The following SMAD6 variants were observed in gnomAD, a reference collection of about 807,000 sequenced individuals.
SMAD6 encodes SMAD family member 6.
In SMAD6, 103 loss-of-function variants were observed where a neutral mutation model predicts 39.4. That is an observed-to-expected ratio of 2.62 (90% CI 2.23 to 3.08). The LOEUF (loss-of-function observed/expected upper bound fraction) is 3.08. SMAD6 is among the 30% of genes most tolerant of loss of function. The pLI, the probability that SMAD6 is intolerant of heterozygous loss-of-function variation, is 0.00. For missense variants in SMAD6, 1,104 were observed against 742.9 expected, an observed-to-expected ratio of 1.49 and a Z score of -5.65; for synonymous variants, 445 against 353.3, an observed-to-expected ratio of 1.26 and a Z score of -2.91.
At chr15:66,752,366 C>G (rs940498976) in intron 3 of SMAD6, among the ~76,000 whole-genome samples, 2 of 152,246 alleles carry the variant, frequency 1.3e-5, no homozygotes, top group Non-Finnish European at 2.9e-5. Context: ...TGTTGGCTCT[C>G]TGTGTAACTT....
In SMAD6 at chr15:66,781,683, T is replaced by G. The variant is rs1894582338; in HGVS notation, c.*148T>G. 2.2e-6 allele frequency: 1 copy of G among 453,332 alleles called. No homozygotes were observed. Among genetic ancestry groups the G allele is most frequent in the Non-Finnish European group, 3.8e-6 (1 of 261,254 alleles). 28.1% of individuals were successfully genotyped at this position (453,332 alleles called of 1,614,324 possible). A position where few individuals can be genotyped will look rare whatever the true frequency, so the allele number is the denominator to read the frequency against. ...AGATTTAATATAAAGTTTTATATAT[T>G]ATATGGAAATATATATTATACTTGT... On this transcript the variant is annotated 3_prime_UTR_variant, in exon 4 of 4. Transcript: ENST00000288840.
At chr15:66,769,208 G>T (rs1894340004) in intron 3 of SMAD6, among the ~76,000 whole-genome samples, 1 of 152,228 alleles carries the variant, frequency 6.6e-6, no homozygotes, top group African/African-American at 2.4e-5. Context: ...GACTCCGCGG[G>T]TGTTGGATGT....
In SMAD6 at chr15:66,711,675, GC is replaced by G. The variant is rs761291777; in HGVS notation, c.827del (p.Pro276HisfsTer263). 1 of 1,613,732 alleles carries G rather than the reference GC, an allele frequency of 6.2e-7. No individual in the cohort carries two copies. The highest frequency in any genetic ancestry group is 1.1e-5 in the South Asian group (1 of 91,068). ...FSRLCGPESP[P>X]PPYSRLSPRD... ...CTGTCTCCTGTCTTCCAGAATCTCC[GC>G]CACCTCCCTACTCTCGGCTGTCTCC... On this transcript the variant is annotated frameshift_variant, in exon 2 of 4. Coordinates refer to ENST00000288840, the MANE Select transcript of SMAD6 (RefSeq NM_005585.5). LOFTEE classifies it high-confidence loss of function.
chr15:66,747,251 G>A lies in SMAD6; in HGVS notation c.952+30753G>A, dbSNP rs748359418. ...GCTGTGTTTGCATGGCCAGGCCAGCGGGATATGGATGGGCCATGGGCCTCT... is the reference window on the plus strand; with the variant it reads ...GCTGTGTTTGCATGGCCAGGCCAGCAGGATATGGATGGGCCATGGGCCTCT... On this transcript the variant is annotated intron_variant, in intron 3 of 3. Coordinates refer to ENST00000288840, the MANE Select transcript of SMAD6 (RefSeq NM_005585.5). The surrounding 1 kb of genome is among the most constrained non-coding windows in gnomAD (Gnocchi z 4.5). Among the ~76,000 whole-genome samples the A allele has an allele frequency of 6.6e-6, 1 of 152,240 alleles. No individual in the cohort carries two copies. The highest frequency in any genetic ancestry group is 1.5e-5 in the Non-Finnish European group (1 of 68,048).
At chr15:66,763,320 C>T (rs934675747) in intron 3 of SMAD6, among the ~76,000 whole-genome samples, 7 of 152,230 alleles carry the variant, frequency 4.6e-5, no homozygotes, top group African/African-American at 1.4e-4. Context: ...GGGAGACTGG[C>T]GGCTCTGGGT....
chr15:66,716,526 T>A, intron 3 of SMAD6, 28 bp downstream of exon 3: 1 of 1,544,414 alleles, frequency 6.5e-7, no homozygotes, highest in Non-Finnish European at 9.0e-7. Context: ...TGCATTGCTG[T>A]TGTGTTGAAA....
At chr15:66,761,558 C>CA (rs1399347746) in intron 3 of SMAD6, among the ~76,000 whole-genome samples, 4 of 152,222 alleles carry the variant, frequency 2.6e-5, no homozygotes, top group Non-Finnish European at 4.4e-5. Context: ...TGGCTGGACT[C>CA]ACCAGGATTA....
intron 1 of SMAD6, among the ~76,000 whole-genome samples, chr15:66,709,542 A>G (rs1264161381): frequency 6.6e-6 from 1 of 152,210 alleles, no homozygotes; most frequent in East Asian, 1.9e-4. Context: ...ATAGTTGTCA[A>G]GATTCACCTT....
Position 66,782,334 on chromosome 15 carries a change from T to TTA in SMAD6, c.*801_*802dup, listed in dbSNP as rs1243152949. On this transcript the variant is annotated 3_prime_UTR_variant, in exon 4 of 4. Coordinates refer to ENST00000288840, the MANE Select transcript of SMAD6 (RefSeq NM_005585.5). The stretch of plus-strand genomic sequence containing the variant: ...CAGGTCCATGCCCCCCATCTTTGAG[T>TTA]TATGAGCAAGCTAAAAGAAGACACT... 5 of 162,484 alleles carry TTA rather than the reference T, an allele frequency of 3.1e-5. No homozygotes were observed. Among genetic ancestry groups the TTA allele is most frequent in the Non-Finnish European group, 6.6e-5 (5 of 75,428 alleles). 10.1% of individuals were successfully genotyped at this position (162,484 alleles called of 1,614,324 possible). A position where few individuals can be genotyped will look rare whatever the true frequency, so the allele number is the denominator to read the frequency against.
chr15:66,745,280 C>T (rs1893887231), intron 3 of SMAD6, among the ~76,000 whole-genome samples: 1 of 152,166 alleles, frequency 6.6e-6, no homozygotes, highest in Non-Finnish European at 1.5e-5. Flanking sequence ...GCTGAGCCCT[C>T]TAGGCCCTGA....
rs1261743877 is a variant in SMAD6, at chr15:66,703,850, C to G, written c.592C>G (p.Arg198Gly). ...LDTLLEAVES[R>G]GGVPGGCVLV... ...CACGCTGCTGGAGGCGGTGGAGTCC[C>G]GCGGCGGCGTGCCGGGCGGCTGCGT... The change falls in exon 1 of 4, where the codon CGC becomes GGC. Residue 198 changes from arginine (R) to glycine (G), a missense_variant. By Grantham distance (125) the Arg-to-Gly change is moderately radical (BLOSUM62 -2). Coordinates refer to ENST00000288840, the MANE Select transcript of SMAD6 (RefSeq NM_005585.5). 5.2e-5 allele frequency: 71 copies of G among 1,356,348 alleles called. No individual in the cohort carries two copies. The highest frequency in any genetic ancestry group is 6.4e-5 in the Non-Finnish European group (67 of 1,043,064). 84.0% of individuals were successfully genotyped at this position (1,356,348 alleles called of 1,614,324 possible).
At chr15:66,759,248 C>G (rs1239673358) in intron 3 of SMAD6, among the ~76,000 whole-genome samples, 3 of 151,978 alleles carry the variant, frequency 2.0e-5, no homozygotes, top group African/African-American at 7.3e-5. Context: ...CAAAAATGGA[C>G]AGAAATAAGA....
intron 1 of SMAD6, 98 bp downstream of exon 1, chr15:66,704,173 G>C (rs932178254): frequency 1.9e-6 from 2 of 1,026,780 alleles, no homozygotes; most frequent in Non-Finnish European, 2.6e-6. Flanking sequence ...GCAGCTGCGG[G>C]TGCTCCCCCG....
At chr15:66,770,021 T>A (rs1418179849) in intron 3 of SMAD6, among the ~76,000 whole-genome samples, 2 of 152,134 alleles carry the variant, frequency 1.3e-5, no homozygotes, top group Non-Finnish European at 1.5e-5. Context: ...AGAGACAGGG[T>A]TTCACCATGT....
At chr15:66,755,763 C>T (rs984425772) in intron 3 of SMAD6, among the ~76,000 whole-genome samples, 1 of 152,226 alleles carries the variant, frequency 6.6e-6, no homozygotes, top group Non-Finnish European at 1.5e-5. Context: ...TCTGCTGGTA[C>T]TCCAGGGTCT....
Position 66,781,334 on chromosome 15 carries a change from G to C in SMAD6, c.1290G>C (p.Val430=). Residue 430 remains valine, a synonymous_variant, in exon 4 of 4, where the codon GTG becomes GTC. Coordinates refer to ENST00000288840, the MANE Select transcript of SMAD6 (RefSeq NM_005585.5). ...GCCGCGCCCTGGTCGTGCGCAAGGT[G>C]CCCCCCGGCTACTCCATCAAGGTGT... ...PGGRALVVRK[V]PPGYSIKVFD... The C allele has an allele frequency of 2.5e-6, 4 of 1,598,768 alleles. No homozygotes were observed. Among genetic ancestry groups the C allele is most frequent in the Non-Finnish European group, 3.4e-6 (4 of 1,174,180 alleles).
intron 3 of SMAD6, among the ~76,000 whole-genome samples, chr15:66,737,353 C>G (rs1451427893): frequency 2.0e-5 from 3 of 152,226 alleles, no homozygotes; most frequent in Non-Finnish European, 4.4e-5. Context: ...GACCCCACAG[C>G]AGAGCTGGCC....
intron 3 of SMAD6, among the ~76,000 whole-genome samples, chr15:66,760,506 T>C (rs1894180006): frequency 6.6e-6 from 1 of 152,230 alleles, no homozygotes; most frequent in Admixed American, 6.5e-5. Flanking sequence ...GACTCGTCAG[T>C]GATTAGTACT....
intron 3 of SMAD6, among the ~76,000 whole-genome samples, chr15:66,739,486 G>A (rs557918325): frequency 5.9e-5 from 9 of 152,366 alleles, no homozygotes; most frequent in Admixed American, 5.2e-4. Context: ...GGGACTGCAG[G>A]TGTGCATTGT....
Sources: allele counts gnomAD v4.1 joint callset (sites outside exome capture counted in the v4.1 genomes callset), GRCh38; gene constraint gnomAD v4.1.1; non-coding constraint Gnocchi (gnomAD v3.1); transcripts MANE v1.5; gene names NCBI Gene and HGNC (gene_info 2026-07-23, HGNC 2026-07-21).